The following DENND5B variants were observed in gnomAD, a reference collection of about 807,000 sequenced individuals.
DENND5B encodes DENN domain-containing protein 5B.
Under a neutral mutation model 140.6 loss-of-function variants are expected in DENND5B, and 34 were observed. That is an observed-to-expected ratio of 0.24 (90% CI 0.18 to 0.32). The LOEUF is 0.32. DENND5B is among the 10% of genes least tolerant of loss of function. The probability of loss-of-function intolerance (pLI) is 1.00; values close to 1 mark genes in which losing one functional copy is unlikely to be tolerated. For missense variants in DENND5B, 1,142 were observed against 1,560.2 expected (o/e 0.73, Z 4.52); for synonymous variants, 551 against 562.1 (o/e 0.98, Z 0.28).
chr12:31,538,347 T>C (rs1184585914), intron 1 of DENND5B, among the ~76,000 whole-genome samples: 1 of 151,784 alleles, frequency 6.6e-6, no homozygotes, highest in Non-Finnish European at 1.5e-5. Flanking sequence ...AAACTAGAGA[T>C]CAATAATAAG....
intron 1 of DENND5B, among the ~76,000 whole-genome samples, chr12:31,496,506 C>T (rs1056256924): frequency 1.3e-5 from 2 of 152,092 alleles, no homozygotes; most frequent in Non-Finnish European, 2.9e-5. Context: ...AATGAGCTAT[C>T]CTAAGTTAAA....
At chr12:31,418,277 CTTTTCTTTTTT>C (rs1418703150) in intron 11 of DENND5B, among the ~76,000 whole-genome samples, 1 of 67,820 alleles carries the variant, frequency 1.5e-5, no homozygotes, top group East Asian at 5.4e-4. Flanking sequence ...ATCTTTTTTT[CTTTTCTTTTTT>C]TTTTTTTTTT....
intron 6 of DENND5B, among the ~76,000 whole-genome samples, chr12:31,446,585 G>A (rs73080597): frequency 2.0e-4 from 30 of 152,280 alleles, no homozygotes; most frequent in Non-Finnish European, 4.1e-4. Context: ...TGGATATAGA[G>A]AAGAGGTGAG....
At chr12:31,546,601 C>A (rs896186710) in intron 1 of DENND5B, among the ~76,000 whole-genome samples, 4 of 152,084 alleles carry the variant, frequency 2.6e-5, no homozygotes, top group African/African-American at 4.8e-5. Flanking sequence ...GCAGGAGAAT[C>A]GCTTGAACCA....
intron 1 of DENND5B, among the ~76,000 whole-genome samples, chr12:31,558,096 T>C (rs917479219): frequency 2.6e-5 from 4 of 152,150 alleles, no homozygotes; most frequent in African/African-American, 7.2e-5. Flanking sequence ...TCGCATAGAC[T>C]AGTCTTAGGA....
In DENND5B at chr12:31,396,870, C is replaced by A. The variant is rs149611668; in HGVS notation, c.3256+1305G>T. ...CTCCTGATCTCAAGTGATCTGCCCA[C>A]TTCGGCCTCCCAAAGTGTTGGGAAA... On this transcript the variant is annotated intron_variant, in intron 17 of 20. Transcript: ENST00000389082. 1.3e-3 allele frequency among the ~76,000 whole-genome samples: 196 copies of A among 152,276 alleles called. 1 individual carries two copies. The highest frequency in any genetic ancestry group is 4.6e-3 in the African/African-American group (192 of 41,550).
At chr12:31,433,794 G>A (rs10843947) in intron 7 of DENND5B, among the ~76,000 whole-genome samples, 86,792 of 151,628 alleles carry the variant, frequency 0.57, 25,268 homozygotes, top group East Asian at 0.82. Context: ...CACTTTGGCC[G>A]GATCACTTGA....
intron 3 of DENND5B, among the ~76,000 whole-genome samples, chr12:31,467,614 T>C (rs1015240337): frequency 8.6e-5 from 13 of 151,978 alleles, no homozygotes; most frequent in African/African-American, 3.1e-4. Flanking sequence ...GAGTGAGACC[T>C]TATTTCAAAG....
chr12:31,555,172 C>T (rs1389095987), intron 1 of DENND5B, among the ~76,000 whole-genome samples: 1 of 152,110 alleles, frequency 6.6e-6, no homozygotes, highest in African/African-American at 2.4e-5. Context: ...GTTTTTTTCC[C>T]ATCTTTGTGG....
intron 4 of DENND5B, among the ~76,000 whole-genome samples, chr12:31,458,268 T>C (rs1400373647): frequency 1.3e-5 from 2 of 152,118 alleles, no homozygotes; most frequent in Non-Finnish European, 2.9e-5. Flanking sequence ...ACAATTGTTA[T>C]GAAAAATGGA....
At position 31,499,540 on chromosome 12, in the gene DENND5B, T is replaced by C. The variant is rs567349678; in HGVS notation, c.128-3621A>G. ...AAACTGAATAAAGAAACATTTATAA[T>C]GGGCTTGCAGTCAATTAAAATAATG... On this transcript the variant is annotated intron_variant, in intron 1 of 20. Coordinates refer to ENST00000389082, the MANE Select transcript of DENND5B (RefSeq NM_144973.4). 5 of 1,285,972 alleles carry C rather than the reference T, an allele frequency of 3.9e-6. No individual in the cohort carries two copies. In the African/African-American group the frequency reaches 7.6e-5, roughly 19 times the overall value. The allele number at this position is 1,285,972 out of a possible 1,614,324, so 79.7% of individuals were successfully genotyped here.
At chr12:31,541,386 T>C (rs1215751806) in intron 1 of DENND5B, among the ~76,000 whole-genome samples, 1 of 152,204 alleles carries the variant, frequency 6.6e-6, no homozygotes, top group East Asian at 1.9e-4. Context: ...CAATCAAAAA[T>C]GGGCAAAATA....
chr12:31,585,169 A>G, intron 1 of DENND5B, among the ~76,000 whole-genome samples: 1 of 152,122 alleles, frequency 6.6e-6, no homozygotes, highest in East Asian at 1.9e-4. Context: ...TAGGAATCAA[A>G]TTTCAACATG....
chr12:31,498,725 C>G (rs1265665148), intron 1 of DENND5B, among the ~76,000 whole-genome samples: 3 of 152,040 alleles, frequency 2.0e-5, no homozygotes, highest in Non-Finnish European at 4.4e-5. Context: ...GTAATCCTAG[C>G]ACTTTGGGAG....
chr12:31,574,062 C>A (rs1478687607), intron 1 of DENND5B, among the ~76,000 whole-genome samples: 1 of 150,798 alleles, frequency 6.6e-6, no homozygotes, highest in East Asian at 2.0e-4. Context: ...CCATTTGAGA[C>A]TAGCCTGGAC....
chr12:31,423,466 T>G, intron 11 of DENND5B, 131 bp downstream of exon 11: 1 of 902,336 alleles, frequency 1.1e-6, no homozygotes, highest in South Asian at 1.7e-5. Flanking sequence ...ATATTGCTCC[T>G]TCTACTTTAT....
At chr12:31,426,540 G>A (rs1310087507) in intron 8 of DENND5B, 116 bp from the exon 9 acceptor site, 3 of 1,170,036 alleles carry the variant, frequency 2.6e-6, no homozygotes, top group African/African-American at 3.1e-5. Flanking sequence ...GTAAGTGTAT[G>A]TGCATATAAC....
At chr12:31,444,455 G>T (rs931472040) in intron 6 of DENND5B, among the ~76,000 whole-genome samples, 2 of 152,096 alleles carry the variant, frequency 1.3e-5, no homozygotes, top group Admixed American at 1.3e-4. Context: ...CATTGGCCAG[G>T]CTGGTCTCGA....
Position 31,493,416 on chromosome 12 carries a change from G to A in DENND5B, c.237+2394C>T, listed in dbSNP as rs569702316. ...TCTTTAAAATACTAAAAAAGAGGCCGGGTGCAGTGGCTAACGCCTGTAATC... is the reference window on the plus strand; with the variant it reads ...TCTTTAAAATACTAAAAAAGAGGCCAGGTGCAGTGGCTAACGCCTGTAATC... On this transcript the variant is annotated intron_variant, in intron 2 of 20. Coordinates refer to ENST00000389082, the MANE Select transcript of DENND5B (RefSeq NM_144973.4). Among the ~76,000 whole-genome samples the A allele has an allele frequency of 8.5e-4, 130 of 152,288 alleles. 1 individual carries two copies. The highest frequency in any genetic ancestry group is 2.9e-3 in the African/African-American group (120 of 41,564).
Sources: gnomAD v4.1 joint callset for allele counts (sites outside exome capture counted in the v4.1 genomes callset) on GRCh38, gnomAD v4.1.1 for gene constraint, MANE v1.5 for transcripts, NCBI Gene and HGNC (gene_info 2026-07-23, HGNC 2026-07-21) for gene names.